The following ATXN7L3 variants were observed in gnomAD, a reference collection of about 807,000 sequenced individuals.
ATXN7L3 encodes the protein ataxin 7 like 3, also known as ataxin-7-like protein 3.
In ATXN7L3, 6 loss-of-function variants were observed where a neutral mutation model predicts 50.0. The observed-to-expected ratio is 0.12, with a 90% CI of 0.07 to 0.24. The LOEUF (loss-of-function observed/expected upper bound fraction) is 0.24. ATXN7L3 is among the 10% of genes least tolerant of loss of function. ATXN7L3 has a pLI of 1.00. For synonymous variants in ATXN7L3, 198 were observed against 165.8 expected, an observed-to-expected ratio of 1.19 and a Z score of -1.49; for missense variants, 322 against 451.3, an observed-to-expected ratio of 0.71 and a Z score of 2.60.
rs2055794149 is a variant in ATXN7L3 at position 44,194,147 on chromosome 17, C to T, written c.*116G>A. ...AATCGGATCCTCTGCCTGCCTGGCC[C>T]ACCAAGCTTCCCAAGCCCCAACCCC... is the stretch of plus-strand genomic sequence containing the variant. On this transcript the variant is annotated 3_prime_UTR_variant, in exon 13 of 13. Coordinates refer to ENST00000587097, the MANE Select transcript of ATXN7L3 (RefSeq NM_001382309.1). 2 of 1,398,378 alleles carry T rather than the reference C, an allele frequency of 1.4e-6. No individual in the cohort carries two copies. The highest frequency in any genetic ancestry group is 2.2e-5 in the Admixed American group (1 of 45,662). The allele number at this position is 1,398,378 out of a possible 1,614,324, so 86.6% of individuals were successfully genotyped here.
intron 8 of ATXN7L3, 41 bp downstream of exon 8, chr17:44,195,759 C>T: frequency 1.3e-6 from 2 of 1,567,504 alleles, no homozygotes; most frequent in South Asian, 1.1e-5. Flanking sequence ...ACCTCACAAC[C>T]AGGACAATGA....
chr17:44,196,225 C>CGGCCCCCCCCCCCCA, intron 6 of ATXN7L3, 146 bp from the exon 7 acceptor site: 1 of 859,150 alleles, frequency 1.2e-6, no homozygotes, highest in Non-Finnish European at 1.8e-6. Flanking sequence ...CCCATGTGCC[C>CGGCCCCCCCCCCCCA]TCCCCCACCC....
At chr17:44,196,226 T>TCCCCCCCCCCCCCAGGCCCCC in intron 6 of ATXN7L3, 147 bp from the exon 7 acceptor site, 3 of 737,700 alleles carry the variant, frequency 4.1e-6, no homozygotes, top group Non-Finnish European at 4.3e-6. Context: ...CCATGTGCCC[T>TCCCCCCCCCCCCCAGGCCCCC]CCCCCACCCC....
chr17:44,197,440 C>A, intron 3 of ATXN7L3, 41 bp from the exon 4 acceptor site: 1 of 1,573,844 alleles, frequency 6.4e-7, no homozygotes, highest in South Asian at 1.2e-5. Context: ...GGGCAGGACC[C>A]TCTCCTCTTG....
rs762892719 is a variant in ATXN7L3, at chr17:44,197,624, G to A, written c.158C>T (p.Thr53Met). ...AAAATCCTTCATGCTATCAGGGTCC[G>A]TGTCGTCCAAGAAGAAGTAGCCACA... ...VKCGYFFLDD[T>M]DPDSMKDFEI... Residue 53 changes from threonine to methionine, a missense_variant, in exon 3 of 13, where the codon ACG becomes ATG. Physicochemically the swap from Thr to Met is moderately conservative, Grantham distance 81 (BLOSUM62 -1). Transcript: ENST00000587097. The A allele has an allele frequency of 5.0e-6, 8 of 1,614,252 alleles. No homozygotes were observed. The highest frequency in any genetic ancestry group is 5.9e-6 in the Non-Finnish European group (7 of 1,180,044).
Position 44,196,924 on chromosome 17 carries a change from A to C in ATXN7L3, c.454+5T>G. The C allele has an allele frequency of 6.2e-7, 1 of 1,609,770 alleles. No homozygotes were observed. ...CCCCCCGGGTTTCCCCAGATCCCCA[A>C]GCACCTTTCTTCTCCGAGCCATAGG... On this transcript the variant is annotated splice_donor_5th_base_variant and intron_variant, in intron 5 of 12. Transcript: ENST00000587097.
At position 44,197,698 on chromosome 17, in the gene ATXN7L3, G is replaced by A. The variant is rs1252262116; in HGVS notation, c.84C>T (p.Val28=). 11 of 1,614,116 alleles carry A rather than the reference G, an allele frequency of 6.8e-6. No individual in the cohort carries two copies. The highest frequency in any genetic ancestry group is 2.7e-5 in the African/African-American group (2 of 74,934). ...AIAQEIYADL[V]EDSCLGFCFE... ...AGCAGAATCCCAAACAAGAATCCTC[G>A]ACCAGGTCCGCGTATATCTCCTGAG... is the stretch of plus-strand genomic sequence containing the variant. The change falls in exon 3 of 13, where the codon GTC becomes GTT. Residue 28 remains valine, a synonymous_variant. Transcript: ENST00000587097.
In ATXN7L3 at chr17:44,199,468, CCCGTCCCCGTCT is replaced by C. The variant is rs1329104077; in HGVS notation, c.-61+16_-61+27del. ...GCCCCCCACAGGCCCCTCCCCCGTCCCCGTCCCCGTCTCCGTCCCGTACTCACCCCGCCCGGG... is the reference window on the plus strand; with the variant it reads ...GCCCCCCACAGGCCCCTCCCCCGTCCCCGTCCCGTACTCACCCCGCCCGGG... On this transcript the variant is annotated intron_variant, in intron 1 of 12. Coordinates refer to ENST00000587097, the MANE Select transcript of ATXN7L3 (RefSeq NM_001382309.1). 6.9e-6 allele frequency: 1 copy of C among 145,056 alleles called. No homozygotes were observed. Among genetic ancestry groups the C allele is most frequent in the Non-Finnish European group, 1.5e-5 (1 of 64,964 alleles). The allele number at this position is 145,056 out of a possible 1,614,324, so 9.0% of individuals were successfully genotyped here.
At position 44,196,411 on chromosome 17, in the gene ATXN7L3, C is replaced by T. The variant is rs1044048406; in HGVS notation, c.462G>A (p.Lys154=). 3.7e-6 allele frequency: 6 copies of T among 1,613,968 alleles called. No individual in the cohort carries two copies. Among genetic ancestry groups the T allele is most frequent in the Admixed American group, 1.7e-5 (1 of 59,984 alleles). Residue 154 remains lysine, a synonymous_variant, in exon 6 of 13, where the codon AAG becomes AAA. Transcript: ENST00000587097. ...CGGCTCTCACCTTGTCTGACTTTCT[C>T]TTCTTGGCTGTGGGAAACAAAAGCA... is the stretch of plus-strand genomic sequence containing the variant. ...WSYGSEKKAK[K]RKSDKNPNSP...
chr17:44,196,149 A>C, intron 6 of ATXN7L3, 70 bp from the exon 7 acceptor site: 1 of 1,530,318 alleles, frequency 6.5e-7, no homozygotes, highest in Non-Finnish European at 9.0e-7. Context: ...CCAGGGAAGG[A>C]AAAAAGATTT....
intron 8 of ATXN7L3, 120 bp from the exon 9 acceptor site, chr17:44,195,607 G>A (rs1201318168): frequency 1.4e-5 from 17 of 1,250,360 alleles, no homozygotes; most frequent in African/African-American, 4.5e-5. Context: ...CGACCCTGCC[G>A]TTTTCCAAGT....
chr17:44,195,747 C>A, intron 8 of ATXN7L3, 53 bp downstream of exon 8: 1 of 1,548,480 alleles, frequency 6.5e-7, no homozygotes. Flanking sequence ...CAAATCCCCA[C>A]CACCTCACAA....
Position 44,196,920 on chromosome 17 carries a change from C to T in ATXN7L3, c.454+9G>A, listed in dbSNP as rs2055926358. 1 of 1,607,894 alleles carries T rather than the reference C, an allele frequency of 6.2e-7. No homozygotes were observed. The highest frequency in any genetic ancestry group is 8.5e-7 in the Non-Finnish European group (1 of 1,174,722). The stretch of plus-strand genomic sequence containing the variant: ...AATGCCCCCCGGGTTTCCCCAGATC[C>T]CCAAGCACCTTTCTTCTCCGAGCCA... On this transcript the variant is annotated intron_variant, in intron 5 of 12. Transcript: ENST00000587097.
intron 2 of ATXN7L3, 31 bp downstream of exon 2, chr17:44,197,989 G>A: frequency 1.9e-6 from 3 of 1,607,372 alleles, no homozygotes; most frequent in Non-Finnish European, 2.6e-6. Context: ...TCAAGAGAAA[G>A]AACTGGAGGC....
chr17:44,199,680 T>C lies in ATXN7L3; in HGVS notation c.-245A>G, dbSNP rs1264617259. 1.1e-4 allele frequency: 15 copies of C among 132,258 alleles called. No individual in the cohort carries two copies. Among genetic ancestry groups the C allele is most frequent in the Admixed American group, 1.1e-3 (15 of 13,738 alleles). The allele number at this position is 132,258 out of a possible 1,614,324, so 8.2% of individuals were successfully genotyped here. On this transcript the variant is annotated 5_prime_UTR_variant, in exon 1 of 13. It removes an upstream start codon present in the reference 5' UTR. Transcript: ENST00000587097. Reference sequence around the variant, plus strand: ...GCCTGGCCGCCTCACCGGGCGGCCATGGCCCCTTCCCCTCCCTTCTTGTCC... The same window carrying C: ...GCCTGGCCGCCTCACCGGGCGGCCACGGCCCCTTCCCCTCCCTTCTTGTCC...
rs1474673527 is a variant in ATXN7L3 at position 44,199,734 on chromosome 17, CCCGCCCGCGCGCAGTCCGCGCG to C, written c.-321_-300del. ...CGCCGCCTCCTCCTCCTCACCTCAC[CCCGCCCGCGCGCAGTCCGCGCG>C]CCGTCCGCGCGCCCCTCCCCCCGCC... On this transcript the variant is annotated 5_prime_UTR_variant, in exon 1 of 13. Coordinates refer to ENST00000587097, the MANE Select transcript of ATXN7L3 (RefSeq NM_001382309.1). The C allele has an allele frequency of 4.1e-5, 6 of 145,178 alleles. No homozygotes were observed. 9.0% of individuals were successfully genotyped at this position (145,178 alleles called of 1,614,324 possible).
At chr17:44,195,932 C>A in intron 7 of ATXN7L3, 102 bp downstream of exon 7, 1 of 1,562,434 alleles carries the variant, frequency 6.4e-7, no homozygotes. Context: ...GGATCACAGG[C>A]CCTCCCTCAA....
Position 44,194,361 on chromosome 17 carries a change from T to C in ATXN7L3, c.946A>G (p.Ser316Gly). Reference sequence around the variant, plus strand: ...AGGCCGGAGGCAGTCCCTACCAGGCTCAGATGGGATTTCTTTTTCTTGGTT... The same window carrying C: ...AGGCCGGAGGCAGTCCCTACCAGGCCCAGATGGGATTTCTTTTTCTTGGTT... ...RKTKKKKSHL[S>G]LVGTASGLGS... Residue 316 changes from serine to glycine, a missense_variant, in exon 13 of 13, where the codon AGC (serine) becomes GGC (glycine). Physicochemically the swap from Ser to Gly is moderately conservative, Grantham distance 56. This residue lies in a region of ATXN7L3 where 122 missense variants were observed against 130.8 expected (regional missense o/e 0.93). Transcript: ENST00000587097. 3.7e-6 allele frequency: 6 copies of C among 1,614,206 alleles called. No homozygotes were observed. Among genetic ancestry groups the C allele is most frequent in the South Asian group, 1.1e-5 (1 of 91,092 alleles).
At chr17:44,195,731 C>T in intron 8 of ATXN7L3, 69 bp downstream of exon 8, 1 of 1,511,756 alleles carries the variant, frequency 6.6e-7, no homozygotes, top group Non-Finnish European at 9.2e-7. Flanking sequence ...CTGATCCCTA[C>T]TTGTCCAAAT....
Sources: allele counts gnomAD v4.1 joint callset, GRCh38; gene constraint gnomAD v4.1.1; regional missense constraint gnomAD v4.1.1; transcripts MANE v1.5; gene names NCBI Gene and HGNC (gene_info 2026-07-23, HGNC 2026-07-21).